ACSM2B: variants seen among roughly 807,000 people sequenced by gnomAD.
The protein encoded by ACSM2B is acyl-coenzyme A synthetase ACSM2B, mitochondrial.
Under a neutral mutation model 78.6 loss-of-function variants are expected in ACSM2B, and 58 were observed. The observed-to-expected ratio is 0.74, with a 90% CI of 0.60 to 0.92. The LOEUF (loss-of-function observed/expected upper bound fraction) is 0.92, where lower values mean the gene tolerates loss of function less well. ACSM2B is among the 40% of genes least tolerant of loss of function. The pLI is 0.00. For synonymous variants in ACSM2B, 257 were observed against 256.8 expected (o/e 1.00, Z -0.01); for missense variants, 688 against 711.2 (o/e 0.97, Z 0.37).
rs563505533 is a variant in ACSM2B at position 20,546,418 on chromosome 16, C to T, written c.1155G>A (p.Thr385=). Residue 385 remains threonine, a synonymous_variant, in exon 9 of 14, where the codon ACG becomes ACA. Transcript: ENST00000329697. ...CCTGTACATCATAACAGGAAGCAGC[C>T]GTTCCCATGTATCCTGGTTTGATTT... ...TMKIKPGYMG[T]AASCYDVQVI... 9.2e-5 allele frequency: 148 copies of T among 1,608,800 alleles called. 3 individuals carry two copies. In the East Asian group the frequency reaches 2.9e-3, roughly 32 times the overall value.
intron 4 of ACSM2B, among the ~76,000 whole-genome samples, chr16:20,554,736 G>C (rs572448353): frequency 1.3e-5 from 2 of 152,298 alleles, no homozygotes; most frequent in African/African-American, 4.8e-5. Context: ...GCCATCTCTT[G>C]GGTTTTCCCT....
intron 12 of ACSM2B, chr16:20,542,691 AT>A: frequency 1.7e-6 from 1 of 580,716 alleles, no homozygotes; most frequent in Non-Finnish European, 3.0e-6. Context: ...TACTTTACAA[AT>A]ATTAGCACAT....
intron 1 of ACSM2B, chr16:20,575,928 T>C (rs2016237272): frequency 2.0e-5 from 3 of 151,942 alleles, no homozygotes; most frequent in Non-Finnish European, 4.4e-5. Context: ...TCTCACCTCC[T>C]CTGGGATTCA....
At chr16:20,543,314 T>C in intron 10 of ACSM2B, 52 bp from the exon 11 acceptor site, 1 of 1,612,518 alleles carries the variant, frequency 6.2e-7, no homozygotes, top group Non-Finnish European at 8.5e-7. Flanking sequence ...CTAAATCCCC[T>C]GCCCTGGGGC....
At chr16:20,556,528 G>T (rs866133012) in intron 3 of ACSM2B, among the ~76,000 whole-genome samples, 1 of 152,162 alleles carries the variant, frequency 6.6e-6, no homozygotes, top group Non-Finnish European at 1.5e-5. Flanking sequence ...CTTGAACCTG[G>T]GAGGCAAAGG....
chr16:20,570,327 T>G (rs901256242), intron 1 of ACSM2B, among the ~76,000 whole-genome samples: 9 of 152,000 alleles, frequency 5.9e-5, no homozygotes, highest in African/African-American at 2.2e-4. Context: ...ATAATGTGAT[T>G]TTTGTTTTTA....
chr16:20,569,432 G>C (rs543900988), intron 1 of ACSM2B, among the ~76,000 whole-genome samples: 1 of 151,408 alleles, frequency 6.6e-6, no homozygotes, highest in African/African-American at 2.4e-5. Flanking sequence ...ATGGTTCTAC[G>C]TGCCTATTTT....
intron 1 of ACSM2B, among the ~76,000 whole-genome samples, chr16:20,566,718 G>GTATATACTATATATAGTATATAC (rs2015886356): frequency 4.0e-4 from 2 of 5,022 alleles, no homozygotes; most frequent in African/African-American, 1.5e-3. Flanking sequence ...AGTATATATA[G>GTATATACTATATATAGTATATAC]TATATACTAT....
chr16:20,543,686 GC>G (rs759442758), intron 10 of ACSM2B, among the ~76,000 whole-genome samples: 1 of 152,122 alleles, frequency 6.6e-6, no homozygotes, highest in African/African-American at 2.4e-5. Flanking sequence ...TAGCCAGGAA[GC>G]CCCCTGGGAC....
chr16:20,555,084 C>G (rs1371662862), intron 4 of ACSM2B, among the ~76,000 whole-genome samples, 185 bp downstream of exon 4: 1 of 150,966 alleles, frequency 6.6e-6, no homozygotes, highest in Non-Finnish European at 1.5e-5. Context: ...AGATCAAGCC[C>G]CACTTAGTCC....
At chr16:20,567,412 T>C (rs1248967201) in intron 1 of ACSM2B, among the ~76,000 whole-genome samples, 3 of 119,000 alleles carry the variant, frequency 2.5e-5, no homozygotes, top group South Asian at 2.3e-4. Flanking sequence ...TATTATATAA[T>C]ATATAATATA....
chr16:20,565,366 C>T (rs1376617867), intron 1 of ACSM2B, among the ~76,000 whole-genome samples: 2 of 152,144 alleles, frequency 1.3e-5, no homozygotes, highest in East Asian at 3.9e-4. Flanking sequence ...TTTCTCCCCT[C>T]TGCATGAGAC....
chr16:20,552,232 A>G lies in ACSM2B; in HGVS notation c.806T>C (p.Ile269Thr). 6.2e-7 allele frequency: 1 copy of G among 1,613,940 alleles called. No homozygotes were observed. Among genetic ancestry groups the G allele is most frequent in the Non-Finnish European group, 8.5e-7 (1 of 1,179,850 alleles). Residue 269 changes from isoleucine (I) to threonine (T), a missense_variant, in exon 6 of 14, where the codon ATC (isoleucine) becomes ACC (threonine). Ile to Thr is a moderately conservative substitution (Grantham distance 89). Transcript: ENST00000329697. ...CCAAGATTCCAAAAGTGAGCCCAAG[A>G]TGTTCAGTATCCAACCTGTGTCTGA... ...TISDTGWILN[I>T]LGSLLESWTL... is the part of the protein sequence containing the mutation.
chr16:20,540,934 G>C, intron 12 of ACSM2B, 161 bp from the exon 13 acceptor site: 1 of 1,152,870 alleles, frequency 8.7e-7, no homozygotes, highest in Non-Finnish European at 1.2e-6. Context: ...GGACAAGAAT[G>C]AGGTTCCAGC....
chr16:20,570,692 T>G (rs1421563684), intron 1 of ACSM2B, among the ~76,000 whole-genome samples: 1 of 151,722 alleles, frequency 6.6e-6, no homozygotes, highest in Non-Finnish European at 1.5e-5. Context: ...GGTCATGGCT[T>G]TTTTGTTGTC....
chr16:20,566,247 T>TTATATATATATATA (rs200052689), intron 1 of ACSM2B, among the ~76,000 whole-genome samples: 1 of 69,968 alleles, frequency 1.4e-5, no homozygotes, highest in Non-Finnish European at 2.7e-5. Flanking sequence ...TCATGGAAGA[T>TTATATATATATATA]TATATATATA....
Position 20,561,979 on chromosome 16 carries a change from C to CTTGCCATGGT in ACSM2B, c.178-2542_178-2533dup, listed in dbSNP as rs375573845. On this transcript the variant is annotated intron_variant, in intron 2 of 13. Transcript: ENST00000329697. ...ACATGCAGTGTTTGGTTTTTTTGTC[C>CTTGCCATGGT]TTGCCATGGTTTGCTGAGAATGATG... Among the ~76,000 whole-genome samples the CTTGCCATGGT allele has an allele frequency of 4.3e-3, 644 of 148,994 alleles. 4 individuals are homozygous for CTTGCCATGGT. Among genetic ancestry groups the CTTGCCATGGT allele is most frequent in the South Asian group, 0.026 (124 of 4,688 alleles).
chr16:20,548,682 T>G (rs1414395066), intron 6 of ACSM2B, among the ~76,000 whole-genome samples: 3 of 152,118 alleles, frequency 2.0e-5, no homozygotes, highest in Non-Finnish European at 4.4e-5. Context: ...TACATATTAT[T>G]GTAGTGAAAA....
At chr16:20,549,807 A>G (rs367988034) in intron 6 of ACSM2B, 9 of 450,192 alleles carry the variant, frequency 2.0e-5, no homozygotes, top group South Asian at 1.3e-4. Context: ...GGCAACTTGA[A>G]GCGGGGGCTT....
Sources: gnomAD v4.1 joint callset for allele counts (sites outside exome capture counted in the v4.1 genomes callset) on GRCh38, gnomAD v4.1.1 for gene constraint, MANE v1.5 for transcripts, NCBI Gene and HGNC (gene_info 2026-07-23, HGNC 2026-07-21) for gene names.